The following TRIM33 variants were observed in gnomAD, a reference collection of about 807,000 sequenced individuals.
TRIM33 encodes the protein tripartite motif containing 33.
TRIM33 carries 20 observed loss-of-function variants against 125.4 expected under a neutral mutation model. The observed-to-expected ratio is 0.16, with a 90% CI of 0.11 to 0.23. TRIM33 has a LOEUF of 0.23. Among genes scored for constraint, TRIM33 ranks in the 10% least tolerant of loss-of-function variants. TRIM33 has a pLI of 1.00. For synonymous variants in TRIM33, 564 were observed against 513.9 expected (o/e 1.10, Z -1.32); for missense variants, 920 against 1,411.4 (o/e 0.65, Z 5.58).
chr1:114,460,355 T>C (rs563885837), intron 4 of TRIM33: 1 of 154,132 alleles, frequency 6.5e-6, no homozygotes, highest in African/African-American at 2.4e-5. Flanking sequence ...ATTGAGAAGA[T>C]GCAGGAATAA....
At chr1:114,506,902 A>G (rs1462957673) in intron 1 of TRIM33, among the ~76,000 whole-genome samples, 2 of 152,218 alleles carry the variant, frequency 1.3e-5, no homozygotes, top group African/African-American at 4.8e-5. Context: ...GGCACCTGTT[A>G]AAAATGCAGG....
At chr1:114,433,765 A>G (rs746396443) in intron 4 of TRIM33, 32 bp from the exon 5 acceptor site, 15 of 1,303,432 alleles carry the variant, frequency 1.2e-5, no homozygotes, top group Non-Finnish European at 1.6e-5. Context: ...CATTTAAAAC[A>G]AAACATTTAT....
chr1:114,485,220 G>T (rs1279958848), intron 1 of TRIM33, among the ~76,000 whole-genome samples: 1 of 151,640 alleles, frequency 6.6e-6, no homozygotes, highest in Non-Finnish European at 1.5e-5. Context: ...AGGACCAAAA[G>T]AACTCAGTAT....
intron 12 of TRIM33, among the ~76,000 whole-genome samples, chr1:114,409,633 C>T (rs1330231929): frequency 2.0e-5 from 3 of 152,024 alleles, no homozygotes; most frequent in Admixed American, 1.3e-4. Flanking sequence ...ATTAATATGG[C>T]TTCAGTTACT....
rs1651354393 is a variant in TRIM33, at chr1:114,392,890, C to G, written c.*4758G>C. ...ACAACTTCTACAACACATTCCAGAG[C>G]ATTATAACAAGAATTATTTACAGGC... On this transcript the variant is annotated 3_prime_UTR_variant, in exon 20 of 20. Coordinates refer to ENST00000358465, the MANE Select transcript of TRIM33 (RefSeq NM_015906.4). 5.2e-6 allele frequency: 1 copy of G among 191,798 alleles called. No individual in the cohort carries two copies. Among genetic ancestry groups the G allele is most frequent in the South Asian group, 1.9e-4 (1 of 5,166 alleles). 11.9% of individuals were successfully genotyped at this position (191,798 alleles called of 1,614,324 possible).
intron 17 of TRIM33, among the ~76,000 whole-genome samples, chr1:114,400,117 C>T (rs755263533): frequency 3.9e-5 from 6 of 152,160 alleles, no homozygotes; most frequent in African/African-American, 7.2e-5. Context: ...TTAGTGTTCA[C>T]GCTAGGGAAT....
intron 9 of TRIM33, 78 bp from the exon 10 acceptor site, chr1:114,424,833 A>G: frequency 9.6e-7 from 1 of 1,044,060 alleles, no homozygotes; most frequent in Non-Finnish European, 1.3e-6. Context: ...AATCATAAAA[A>G]TAATTCAGTC....
chr1:114,498,860 A>G (rs1219793309), intron 1 of TRIM33, among the ~76,000 whole-genome samples: 2 of 152,200 alleles, frequency 1.3e-5, no homozygotes, highest in Admixed American at 6.5e-5. Context: ...TTCTCTTACT[A>G]TAAATGAAGA....
intron 18 of TRIM33, 62 bp from the exon 19 acceptor site, chr1:114,398,052 A>C (rs1308190749): frequency 6.4e-7 from 1 of 1,569,778 alleles, no homozygotes; most frequent in Admixed American, 1.8e-5. Context: ...TAAAGTTATG[A>C]GACTGCATAG....
intron 4 of TRIM33, among the ~76,000 whole-genome samples, chr1:114,436,609 C>A (rs1648324099): frequency 6.6e-6 from 1 of 151,918 alleles, no homozygotes; most frequent in Non-Finnish European, 1.5e-5. Context: ...GGACTACAGA[C>A]ATACACCACC....
At position 114,511,120 on chromosome 1, in the gene TRIM33, G is replaced by C. The variant is rs1329026393; in HGVS notation, c.-44C>G. 8.9e-7 allele frequency: 1 copy of C among 1,119,152 alleles called. No homozygotes were observed. The highest frequency in any genetic ancestry group is 1.7e-5 in the African/African-American group (1 of 60,000). 69.3% of individuals were successfully genotyped at this position (1,119,152 alleles called of 1,614,324 possible). ...GCCGGACCGCCCCGCGCCGCCCGCC[G>C]CCCGCGTCGCCGCCGCCGCCGCCCC... is the stretch of plus-strand genomic sequence containing the variant. On this transcript the variant is annotated 5_prime_UTR_variant, in exon 1 of 20. Transcript: ENST00000358465.
intron 4 of TRIM33, among the ~76,000 whole-genome samples, chr1:114,454,341 C>A (rs1425112246): frequency 1.3e-5 from 2 of 152,088 alleles, no homozygotes; most frequent in East Asian, 3.9e-4. Flanking sequence ...ATGGTAGACC[C>A]AATTCCAGAG....
At position 114,510,657 on chromosome 1, in the gene TRIM33, G is replaced by T; in HGVS notation, c.420C>A (p.Pro140=). 6.4e-7 allele frequency: 1 copy of T among 1,559,996 alleles called. No individual in the cohort carries two copies. The highest frequency in any genetic ancestry group is 8.6e-7 in the Non-Finnish European group (1 of 1,159,648). Residue 140 remains proline, a synonymous_variant, in exon 1 of 20, where the codon CCC becomes CCA. Transcript: ENST00000358465. The part of the protein sequence containing the change: ...QSLQSRREAE[P]KLLPCLHSFC... ...AGGAGTGAAGACAGGGCAGCAGCTT[G>T]GGCTCCGCCTCACGCCGGCTCTGCA...
Position 114,441,456 on chromosome 1 carries a change from T to A in TRIM33, c.924-7723A>T, listed in dbSNP as rs573400619. ...ATTAAGGAGAAAACAAAAATTTGAA[T>A]AGGGTGATGTGATAGAGAGGACGTT... On this transcript the variant is annotated intron_variant, in intron 4 of 19. Transcript: ENST00000358465. Among the ~76,000 whole-genome samples the A allele has an allele frequency of 6.8e-4, 103 of 152,296 alleles. 1 individual carries two copies. The South Asian group carries it at 0.021, about 31-fold the overall frequency.
intron 4 of TRIM33, among the ~76,000 whole-genome samples, chr1:114,449,917 T>C (rs1572068051): frequency 6.6e-6 from 1 of 152,186 alleles, no homozygotes; most frequent in Non-Finnish European, 1.5e-5. Context: ...TCTTACCCCA[T>C]GGCTGTCATT....
intron 4 of TRIM33, among the ~76,000 whole-genome samples, chr1:114,442,751 TAAAA>T (rs1017573274): frequency 9.4e-5 from 14 of 148,520 alleles, no homozygotes; most frequent in African/African-American, 3.4e-4. Context: ...ACGGAAGAAC[TAAAA>T]AAGTGAGTTT....
intron 6 of TRIM33, among the ~76,000 whole-genome samples, chr1:114,429,480 C>T (rs1004791998): frequency 5.3e-5 from 8 of 151,934 alleles, no homozygotes; most frequent in Non-Finnish European, 8.8e-5. Flanking sequence ...CGTGAGCCAC[C>T]GCACCCGGCC....
At chr1:114,471,760 C>T (rs1484172068) in intron 1 of TRIM33, among the ~76,000 whole-genome samples, 1 of 152,134 alleles carries the variant, frequency 6.6e-6, no homozygotes, top group African/African-American at 2.4e-5. Flanking sequence ...ACACAGTCCA[C>T]AAATTGTCAA....
intron 1 of TRIM33, among the ~76,000 whole-genome samples, chr1:114,507,524 ATC>A (rs1446244968): frequency 6.6e-6 from 1 of 152,240 alleles, no homozygotes; most frequent in Non-Finnish European, 1.5e-5. Flanking sequence ...CAGAGATGAT[ATC>A]TGAGGTTGAT....
Sources: gnomAD v4.1 joint callset for allele counts (sites outside exome capture counted in the v4.1 genomes callset) on GRCh38, gnomAD v4.1.1 for gene constraint, MANE v1.5 for transcripts, NCBI Gene and HGNC (gene_info 2026-07-23, HGNC 2026-07-21) for gene names.